Variants in SNTG1 observed in about 807,000 individuals in gnomAD.
The protein encoded by SNTG1 is syntrophin gamma 1.
A neutral mutation model predicts 74.7 loss-of-function variants in SNTG1; 39 were observed. The observed-to-expected ratio is 0.52, with a 90% CI of 0.40 to 0.68. The LOEUF is 0.68. Among genes scored for constraint, SNTG1 ranks in the 30% least tolerant of loss-of-function variants. The pLI, the probability that SNTG1 is intolerant of heterozygous loss-of-function variation, is 0.00. For synonymous variants in SNTG1, 254 were observed against 217.1 expected, an observed-to-expected ratio of 1.17 and a Z score of -1.49; for missense variants, 685 against 609.5, an observed-to-expected ratio of 1.12 and a Z score of -1.30.
intron 2 of SNTG1, among the ~76,000 whole-genome samples, chr8:50,217,764 G>A (rs2084865162): frequency 6.6e-6 from 1 of 152,134 alleles, no homozygotes; most frequent in African/African-American, 2.4e-5. Context: ...GTAGGCCAGA[G>A]AGTGATGGAG....
rs527643941 is a variant in SNTG1 at position 50,156,553 on chromosome 8, A to G, written c.-102-16008A>G. Among the ~76,000 whole-genome samples the G allele has an allele frequency of 1.2e-4, 19 of 152,210 alleles. 1 individual carries two copies. In the South Asian group the frequency reaches 3.9e-3, roughly 32 times the overall value. On this transcript the variant is annotated intron_variant, in intron 1 of 18. Coordinates refer to ENST00000642720, the MANE Select transcript of SNTG1 (RefSeq NM_018967.5). ...TGAATCTGTATGTATATATAGTTAT[A>G]TATGTATTACTGTATACAGTTTAAT...
intron 13 of SNTG1, among the ~76,000 whole-genome samples, chr8:50,614,191 G>T (rs1274309837): frequency 6.6e-6 from 1 of 151,892 alleles, no homozygotes; most frequent in African/African-American, 2.4e-5. Flanking sequence ...TTATTACAAA[G>T]GAATAAGAAA....
intron 2 of SNTG1, among the ~76,000 whole-genome samples, chr8:50,209,216 T>G (rs1439922041): frequency 1.3e-5 from 2 of 151,920 alleles, no homozygotes; most frequent in Admixed American, 1.3e-4. Context: ...ATAAACAAAG[T>G]GGCCAGGAAG....
chr8:50,050,904 A>T (rs867810186), intron 1 of SNTG1, among the ~76,000 whole-genome samples: 13 of 152,194 alleles, frequency 8.5e-5, no homozygotes, highest in African/African-American at 2.6e-4. Flanking sequence ...GAAAAAATAA[A>T]CCTTAATATA....
intron 1 of SNTG1, among the ~76,000 whole-genome samples, chr8:49,926,646 T>C (rs1232394170): frequency 1.3e-5 from 2 of 152,128 alleles, no homozygotes; most frequent in African/African-American, 4.8e-5. Context: ...TCCTTGAAGA[T>C]ATCATAAGAG....
chr8:50,165,445 C>T (rs77888028), intron 1 of SNTG1, among the ~76,000 whole-genome samples: 1,726 of 152,272 alleles, frequency 0.011, 14 homozygotes, highest in Non-Finnish European at 0.019. Context: ...ATTTTGTGTC[C>T]TGTATACTGA....
chr8:50,448,626 G>T (rs534760542), intron 5 of SNTG1, among the ~76,000 whole-genome samples: 31 of 152,170 alleles, frequency 2.0e-4, no homozygotes, highest in Non-Finnish European at 3.5e-4. Flanking sequence ...TCTCAACTCT[G>T]TAATACAGAA....
At chr8:50,688,518 T>G (rs2095362875) in intron 15 of SNTG1, among the ~76,000 whole-genome samples, 1 of 152,222 alleles carries the variant, frequency 6.6e-6, no homozygotes, top group African/African-American at 2.4e-5. Context: ...TAGGGAATCC[T>G]TTCCCCATTG....
At chr8:50,780,914 C>T (rs1006133752) in intron 18 of SNTG1, among the ~76,000 whole-genome samples, 3 of 152,148 alleles carry the variant, frequency 2.0e-5, no homozygotes, top group Non-Finnish European at 2.9e-5. Flanking sequence ...TCTTTGTTCT[C>T]GTTGCTTTCA....
chr8:50,732,309 T>C (rs1563789996), intron 17 of SNTG1, among the ~76,000 whole-genome samples: 2 of 151,998 alleles, frequency 1.3e-5, no homozygotes, highest in Non-Finnish European at 2.9e-5. Flanking sequence ...ATAAAGTATC[T>C]TGTCCAACAC....
At chr8:50,188,930 C>A (rs2083473600) in intron 2 of SNTG1, among the ~76,000 whole-genome samples, 1 of 152,114 alleles carries the variant, frequency 6.6e-6, no homozygotes, top group African/African-American at 2.4e-5. Flanking sequence ...ACCCAAGAGG[C>A]AGAGCAGATT....
intron 15 of SNTG1, among the ~76,000 whole-genome samples, chr8:50,690,040 A>G (rs1047700918): frequency 2.6e-5 from 4 of 152,150 alleles, no homozygotes; most frequent in African/African-American, 4.8e-5. Context: ...TTGCATAGAG[A>G]TGTTTGTAGT....
chr8:50,725,030 T>A (rs76742566), intron 17 of SNTG1, among the ~76,000 whole-genome samples: 1 of 152,158 alleles, frequency 6.6e-6, no homozygotes, highest in Non-Finnish European at 1.5e-5. Flanking sequence ...ATAAATATCA[T>A]TCGGCTCACT....
At chr8:50,004,035 G>T (rs367693254) in intron 1 of SNTG1, among the ~76,000 whole-genome samples, 1 of 152,196 alleles carries the variant, frequency 6.6e-6, no homozygotes, top group South Asian at 2.1e-4. Context: ...GCAGAGTATG[G>T]CAGTATGAGT....
chr8:50,322,496 A>AAT (rs2090571363), intron 2 of SNTG1, among the ~76,000 whole-genome samples: 1 of 151,980 alleles, frequency 6.6e-6, no homozygotes. Flanking sequence ...TTGATTGTTA[A>AAT]ATGTCTTAAG....
rs544514591 is a variant in SNTG1, at chr8:50,796,278, G to A, written c.*3449G>A. 1.6e-4 allele frequency: 25 copies of A among 151,892 alleles called. No homozygotes were observed. The highest frequency in any genetic ancestry group is 5.3e-4 in the African/African-American group (22 of 41,496). The allele number at this position is 151,892 out of a possible 1,614,324, so 9.4% of individuals were successfully genotyped here. A position where few individuals can be genotyped will look rare whatever the true frequency, so the allele number is the denominator to read the frequency against. ...CTTTTTAAGGTAAGTGTAGATGTTC[G>A]GATACTAATAACAAAGATTTTGCTA... On this transcript the variant is annotated 3_prime_UTR_variant, in exon 19 of 19. Transcript: ENST00000642720.
At chr8:50,328,954 G>A (rs548421615) in intron 2 of SNTG1, among the ~76,000 whole-genome samples, 42 of 152,268 alleles carry the variant, frequency 2.8e-4, no homozygotes, top group African/African-American at 9.4e-4. Context: ...ACACAATGTG[G>A]GTGTAAGCAT....
intron 1 of SNTG1, among the ~76,000 whole-genome samples, chr8:50,028,310 G>C (rs1000095177): frequency 3.3e-5 from 5 of 151,956 alleles, no homozygotes; most frequent in Non-Finnish European, 7.4e-5. Flanking sequence ...TTTTATTTTT[G>C]AGTAATATTT....
chr8:50,192,356 G>T (rs2083608305), intron 2 of SNTG1, among the ~76,000 whole-genome samples: 1 of 152,090 alleles, frequency 6.6e-6, no homozygotes, highest in African/African-American at 2.4e-5. Context: ...AAATAAGGAA[G>T]TTAGGCCCAT....
Sources: allele counts gnomAD v4.1 joint callset (sites outside exome capture counted in the v4.1 genomes callset), GRCh38; gene constraint gnomAD v4.1.1; transcripts MANE v1.5; gene names NCBI Gene and HGNC (gene_info 2026-07-23, HGNC 2026-07-21).